Variants in ZNF512B observed in about 807,000 individuals in gnomAD.
The protein encoded by ZNF512B is zinc finger protein 512B.
ZNF512B carries 22 observed loss-of-function variants against 87.8 expected under a neutral mutation model. The observed-to-expected ratio is 0.25, with a 90% confidence interval of 0.18 to 0.36. The LOEUF is 0.36. ZNF512B is among the 10% of genes least tolerant of loss of function. The pLI is 1.00. For synonymous variants in ZNF512B, 524 were observed against 490.9 expected, an observed-to-expected ratio of 1.07 and a Z score of -0.89; for missense variants, 1,060 against 1,231.6, an observed-to-expected ratio of 0.86 and a Z score of 2.09.
At chr20:63,968,788 C>T (rs2058952917) in intron 1 of ZNF512B, among the ~76,000 whole-genome samples, 1 of 152,270 alleles carries the variant, frequency 6.6e-6, no homozygotes, top group Non-Finnish European at 1.5e-5. Context: ...GCAGTGAAGG[C>T]CCAGGATGCT....
rs745330579 is a variant in ZNF512B, at chr20:63,962,294, G to C, written c.2244C>G (p.Gly748=). The change falls in exon 14 of 17, where the codon GGC becomes GGG. Residue 748 remains glycine (G), a synonymous_variant. Transcript: ENST00000369888. ...EAWKNEVKEK[G]HVNCPNDCCE... Reference sequence around the variant, plus strand: ...TCACGTCGTTGGGACAGTTGACGTGGCCTTTCTCCTTCACTTCATTCTTCC... The same window carrying C: ...TCACGTCGTTGGGACAGTTGACGTGCCCTTTCTCCTTCACTTCATTCTTCC... The C allele has an allele frequency of 6.2e-7, 1 of 1,612,124 alleles. No homozygotes were observed. The highest frequency in any genetic ancestry group is 8.5e-7 in the Non-Finnish European group (1 of 1,179,912).
rs1290007445 is a variant in ZNF512B, at chr20:63,958,046, C to T, written c.*1842G>A. 2.0e-5 allele frequency: 3 copies of T among 152,222 alleles called. No individual in the cohort carries two copies. The highest frequency in any genetic ancestry group is 3.9e-4 in the East Asian group (2 of 5,194). 9.4% of individuals were successfully genotyped at this position (152,222 alleles called of 1,614,324 possible). On this transcript the variant is annotated 3_prime_UTR_variant, in exon 17 of 17. Coordinates refer to ENST00000369888, the MANE Select transcript of ZNF512B (RefSeq NM_020713.3). ...GTGGGGGGAGTCCGGGTCTCCACAC[C>T]CACTCCCTGGCACATCTGGCAAGGG...
Position 63,962,668 on chromosome 20 carries a change from C to A in ZNF512B, c.2082G>T (p.Leu694=). 1 of 1,606,084 alleles carries A rather than the reference C, an allele frequency of 6.2e-7. No individual in the cohort carries two copies. Among genetic ancestry groups the A allele is most frequent in the Non-Finnish European group, 8.5e-7 (1 of 1,177,678 alleles). Residue 694 remains leucine, a synonymous_variant, in exon 13 of 17, where the codon CTG becomes CTT. Transcript: ENST00000369888. ...CCAGCTCGTCCTCCGCTATCTCCTG[C>A]AGGTGGAACACCGCCACCTGGGCCG... ...RTSAQVAVFH[L]QEIAEDELAR...
intron 1 of ZNF512B, chr20:63,969,164 G>C: frequency 4.1e-6 from 4 of 985,502 alleles, no homozygotes; most frequent in Non-Finnish European, 4.8e-6. Context: ...GCCGGCATGA[G>C]TCATCCCAGC....
intron 1 of ZNF512B, among the ~76,000 whole-genome samples, chr20:63,968,777 A>C (rs1267169910): frequency 6.6e-6 from 1 of 152,266 alleles, no homozygotes; most frequent in Non-Finnish European, 1.5e-5. Flanking sequence ...TGGAAGCACC[A>C]GCAGTGAAGG....
intron 16 of ZNF512B, among the ~76,000 whole-genome samples, chr20:63,960,932 AG>A (rs1263162151): frequency 1.4e-5 from 2 of 141,202 alleles, no homozygotes; most frequent in Non-Finnish European, 3.1e-5. Context: ...CACCTGCAGC[AG>A]GGGGCTGGAC....
At chr20:63,967,281 T>C (rs1569200001) in intron 3 of ZNF512B, 100 bp downstream of exon 3, 15 of 1,477,882 alleles carry the variant, frequency 1.0e-5, no homozygotes, top group East Asian at 4.6e-5. Flanking sequence ...TCTTGAGGCA[T>C]AGAGTTGGTA....
intron 7 of ZNF512B, 44 bp from the exon 8 acceptor site, chr20:63,964,261 G>C: frequency 6.2e-7 from 1 of 1,612,494 alleles, no homozygotes; most frequent in Non-Finnish European, 8.5e-7. Context: ...ATGGGCTCAG[G>C]GGCTGTCACT....
chr20:63,963,927 AG>A lies in ZNF512B; in HGVS notation c.1481-15del. ...CTTCAGGGCCACCTGTGGGTAAGGC[AG>A]GGGCCTCGAAGGCTTGTGGGGGCTG... On this transcript the variant is annotated splice_polypyrimidine_tract_variant and intron_variant, in intron 8 of 16. Coordinates refer to ENST00000369888, the MANE Select transcript of ZNF512B (RefSeq NM_020713.3). 2 of 1,607,672 alleles carry A rather than the reference AG, an allele frequency of 1.2e-6. No homozygotes were observed. The highest frequency in any genetic ancestry group is 1.7e-6 in the Non-Finnish European group (2 of 1,179,898).
In ZNF512B at chr20:63,966,775, T is replaced by G. The variant is rs769857573; in HGVS notation, c.400A>C (p.Ile134Leu). ...YHYQRCQGGA[I>L]SDRLAFPCPF... ...CAGGGGAAGGCCAGGCGATCTGAGA[T>G]GGCACCCTGGGCAGGGAAGGGAAGG... The change falls in exon 5 of 17, where the codon ATC becomes CTC. Residue 134 changes from isoleucine to leucine, a missense_variant. Ile to Leu is a conservative substitution (Grantham distance 5). This residue lies in a region of ZNF512B where 32 missense variants were observed against 68.0 expected (regional missense o/e 0.47). Coordinates refer to ENST00000369888, the MANE Select transcript of ZNF512B (RefSeq NM_020713.3). 1 of 1,598,010 alleles carries G rather than the reference T, an allele frequency of 6.3e-7. No individual in the cohort carries two copies. Among genetic ancestry groups the G allele is most frequent in the Non-Finnish European group, 8.5e-7 (1 of 1,171,650 alleles).
At position 63,961,519 on chromosome 20, in the gene ZNF512B, G is replaced by T; in HGVS notation, c.2329-112C>A. The T allele has an allele frequency of 9.7e-7, 1 of 1,026,078 alleles. No homozygotes were observed. The highest frequency in any genetic ancestry group is 1.5e-6 in the Non-Finnish European group (1 of 678,404). The allele number at this position is 1,026,078 out of a possible 1,614,324, so 63.6% of individuals were successfully genotyped here. On this transcript the variant is annotated intron_variant, in intron 15 of 16. Coordinates refer to ENST00000369888, the MANE Select transcript of ZNF512B (RefSeq NM_020713.3). The surrounding 1 kb of genome is among the most constrained non-coding windows in gnomAD (Gnocchi z 6.4). ...CAGCGGTGGCCCAAGGAAAGCTGTG[G>T]CTGTCTGTGCCAGACAATGCAGGGG...
chr20:63,966,481 T>C lies in ZNF512B; in HGVS notation c.694A>G (p.Arg232Gly), dbSNP rs2058928455. The C allele has an allele frequency of 6.2e-7, 1 of 1,614,028 alleles. No homozygotes were observed. Among genetic ancestry groups the C allele is most frequent in the Non-Finnish European group, 8.5e-7 (1 of 1,180,018 alleles). Residue 232 changes from arginine (R) to glycine (G), a missense_variant, in exon 5 of 17, where the codon AGG becomes GGG. This residue lies in a region of ZNF512B where 201 missense variants were observed against 226.8 expected (regional missense o/e 0.89). Transcript: ENST00000369888. ...ACAGGTTTGGTGACTGGCACGGGCC[T>C]AGTGACCGGGATGGCCTTGGTGACT... ...MPVTKAIPVT[R>G]PVPVTKPVTV... is the part of the protein sequence containing the mutation.
rs2058930450 is a variant in ZNF512B at position 63,966,576 on chromosome 20, A to G, written c.599T>C (p.Ile200Thr). Residue 200 changes from isoleucine to threonine, a missense_variant, in exon 5 of 17, where the codon ATT (isoleucine) becomes ACT (threonine). By Grantham distance (89) the Ile-to-Thr change is moderately conservative. Around this residue, in one of 9 missense-constraint regions of ZNF512B, gnomAD observed 201 missense variants for 226.8 expected, o/e 0.89. Transcript: ENST00000369888. ...KPIGVSKPVT[I>T]GKPVGVSKPI... ...TTTGCTGACACCCACAGGTTTGCCA[A>G]TAGTGACAGGTTTGCTCACTCCGAT... The G allele has an allele frequency of 6.2e-7, 1 of 1,613,956 alleles. No homozygotes were observed. Among genetic ancestry groups the G allele is most frequent in the Non-Finnish European group, 8.5e-7 (1 of 1,180,038 alleles).
Position 63,963,661 on chromosome 20 carries a change from T to G in ZNF512B, c.1655A>C (p.Lys552Thr). 6.2e-7 allele frequency: 1 copy of G among 1,613,640 alleles called. No homozygotes were observed. Among genetic ancestry groups the G allele is most frequent in the Non-Finnish European group, 8.5e-7 (1 of 1,180,012 alleles). ...CATAGTGTGGTAGTTGAGGCCGGCT[T>G]TGGACTTGAACTGCTTCCGGCAGTG... ...CQHCRKQFKSKAGLNYHTMAE... is the reference protein window; with the variant it reads ...CQHCRKQFKSTAGLNYHTMAE... Residue 552 changes from lysine to threonine, a missense_variant, in exon 10 of 17, where the codon AAA becomes ACA. Physicochemically the swap from Lys to Thr is moderately conservative, Grantham distance 78 (BLOSUM62 -1). Coordinates refer to ENST00000369888, the MANE Select transcript of ZNF512B (RefSeq NM_020713.3).
chr20:63,959,981 C>T lies in ZNF512B; in HGVS notation c.2586G>A (p.Pro862=), dbSNP rs149724093. The change falls in exon 17 of 17, where the codon CCG becomes CCA. Residue 862 remains proline (P), a synonymous_variant. Coordinates refer to ENST00000369888, the MANE Select transcript of ZNF512B (RefSeq NM_020713.3). ...ATCCTGGAGGCCAGTCGTCCCGGCGCGGGGGCAGCTTGGCCACAGGCTCCT... is the reference window on the plus strand; with the variant it reads ...ATCCTGGAGGCCAGTCGTCCCGGCGTGGGGGCAGCTTGGCCACAGGCTCCT... ...TPEEPVAKLP[P]RRDDWPPGCR... is the part of the protein sequence containing the mutation. The T allele has an allele frequency of 1.2e-5, 19 of 1,612,582 alleles. No individual in the cohort carries two copies. The highest frequency in any genetic ancestry group is 6.7e-5 in the African/African-American group (5 of 74,944).
intron 3 of ZNF512B, 103 bp downstream of exon 3, chr20:63,967,278 G>A: frequency 6.1e-6 from 9 of 1,471,546 alleles, no homozygotes; most frequent in South Asian, 2.7e-5. Flanking sequence ...ACATCTTGAG[G>A]CATAGAGTTG....
rs2146862945 is a variant in ZNF512B, at chr20:63,956,740, A to G, written c.*3148T>C. The G allele has an allele frequency of 6.1e-6, 1 of 165,072 alleles. No individual in the cohort carries two copies. Among genetic ancestry groups the G allele is most frequent in the East Asian group, 1.7e-4 (1 of 5,856 alleles). 10.2% of individuals were successfully genotyped at this position (165,072 alleles called of 1,614,324 possible). A position where few individuals can be genotyped will look rare whatever the true frequency, so the allele number is the denominator to read the frequency against. ...CAATAAACATTTATTTGATACAGTC[A>G]TTTTAATACATACAGTGATGGCCCG... On this transcript the variant is annotated 3_prime_UTR_variant, in exon 17 of 17. Transcript: ENST00000369888.
At position 63,963,167 on chromosome 20, in the gene ZNF512B, G is replaced by A. The variant is rs2058875078; in HGVS notation, c.1896C>T (p.Cys632=). The A allele has an allele frequency of 2.6e-6, 4 of 1,549,188 alleles. No individual in the cohort carries two copies. The highest frequency in any genetic ancestry group is 2.4e-5 in the South Asian group (2 of 84,858). The change falls in exon 12 of 17, where the codon TGC becomes TGT. Residue 632 remains cysteine, a synonymous_variant. Coordinates refer to ENST00000369888, the MANE Select transcript of ZNF512B (RefSeq NM_020713.3). ...PCEVDSPSFP[C]THCGKTYRSK... ...ATCGGTACGTCTTGCCACAGTGGGTGCAGGGGAAGGAGGGGCTGTCCACCT... is the reference window on the plus strand; with the variant it reads ...ATCGGTACGTCTTGCCACAGTGGGTACAGGGGAAGGAGGGGCTGTCCACCT...
In ZNF512B at chr20:63,964,082, T is replaced by A; in HGVS notation, c.1469A>T (p.His490Leu). 1 of 1,608,832 alleles carries A rather than the reference T, an allele frequency of 6.2e-7. No homozygotes were observed. The highest frequency in any genetic ancestry group is 8.5e-7 in the Non-Finnish European group (1 of 1,179,508). Residue 490 changes from histidine to leucine, a missense_variant, in exon 8 of 17, where the codon CAC (histidine) becomes CTC (leucine). His to Leu is a moderately conservative substitution (Grantham distance 99). Around this residue, in one of 9 missense-constraint regions of ZNF512B, gnomAD observed 212 missense variants for 207.6 expected, o/e 1.02. Coordinates refer to ENST00000369888, the MANE Select transcript of ZNF512B (RefSeq NM_020713.3). ...CAGGCAGCCCCTACCTGGAGCTGGGTGGGCCACAGGGGCCGGTGCCTCCTT... is the reference window on the plus strand; with the variant it reads ...CAGGCAGCCCCTACCTGGAGCTGGGAGGGCCACAGGGGCCGGTGCCTCCTT... The part of the protein sequence containing the change: ...VSKEAPAPVA[H>L]PAPGGPEEQW...
Sources: allele counts gnomAD v4.1 joint callset (sites outside exome capture counted in the v4.1 genomes callset), GRCh38; gene constraint gnomAD v4.1.1; regional missense constraint gnomAD v4.1.1; non-coding constraint Gnocchi (gnomAD v3.1); transcripts MANE v1.5; gene names NCBI Gene and HGNC (gene_info 2026-07-23, HGNC 2026-07-21).